Variants in FAM135B observed in about 807,000 individuals in gnomAD.
FAM135B encodes family with sequence similarity 135 member B, also known as protein FAM135B.
FAM135B carries 43 observed loss-of-function variants against 127.7 expected under a neutral mutation model. The ratio of observed to expected loss-of-function variants is 0.34; its 90% confidence interval spans 0.26 to 0.43. FAM135B has a LOEUF of 0.43. FAM135B is among the 20% of genes least tolerant of loss of function. The pLI is 1.00. For missense variants in FAM135B, 1,558 were observed against 1,725.6 expected, an observed-to-expected ratio of 0.90 and a Z score of 1.72; for synonymous variants, 670 against 665.1, an observed-to-expected ratio of 1.01 and a Z score of -0.11.
At chr8:138,254,979 C>T (rs746778907) in intron 5 of FAM135B, among the ~76,000 whole-genome samples, 1 of 150,700 alleles carries the variant, frequency 6.6e-6, no homozygotes, top group Non-Finnish European at 1.5e-5. Context: ...ATTTCAGAGA[C>T]AGGACAGTCC....
chr8:138,228,435 T>C (rs1819646935), intron 7 of FAM135B, among the ~76,000 whole-genome samples: 1 of 152,080 alleles, frequency 6.6e-6, no homozygotes, highest in Admixed American at 6.6e-5. Flanking sequence ...CCTGACACCA[T>C]ATTCAAGGTT....
chr8:138,419,197 G>A (rs2875898), intron 1 of FAM135B, among the ~76,000 whole-genome samples: 30,494 of 151,948 alleles, frequency 0.2, 4,607 homozygotes, highest in African/African-American at 0.42. Context: ...GAAAAGAGCA[G>A]AGGTTGCTAT....
chr8:138,259,683 C>T (rs541009669), intron 4 of FAM135B, among the ~76,000 whole-genome samples: 2 of 152,240 alleles, frequency 1.3e-5, no homozygotes, highest in African/African-American at 2.4e-5. Flanking sequence ...CCTGGCTCTA[C>T]GACTTCCGGG....
chr8:138,150,755 G>A (rs1187891092), intron 13 of FAM135B, among the ~76,000 whole-genome samples: 4 of 152,034 alleles, frequency 2.6e-5, no homozygotes, highest in Non-Finnish European at 5.9e-5. Flanking sequence ...ATAAGTCATG[G>A]TATATTCATG....
chr8:138,368,582 A>C (rs1433031946), intron 1 of FAM135B, among the ~76,000 whole-genome samples: 1 of 152,224 alleles, frequency 6.6e-6, no homozygotes. Context: ...TGATATTATA[A>C]ATGCAGTCTC....
At chr8:138,275,801 A>G (rs1823778288) in intron 3 of FAM135B, among the ~76,000 whole-genome samples, 1 of 152,232 alleles carries the variant, frequency 6.6e-6, no homozygotes, top group African/African-American at 2.4e-5. Context: ...TTGGCCCTAA[A>G]TGATGAGTGT....
chr8:138,162,785 A>C (rs1252313230), intron 12 of FAM135B, among the ~76,000 whole-genome samples: 1 of 152,242 alleles, frequency 6.6e-6, no homozygotes, highest in Non-Finnish European at 1.5e-5. Flanking sequence ...TCCCACGTGG[A>C]TGGAACAAGA....
At chr8:138,196,523 G>A (rs1365584454) in intron 8 of FAM135B, among the ~76,000 whole-genome samples, 2 of 152,166 alleles carry the variant, frequency 1.3e-5, no homozygotes, top group African/African-American at 4.8e-5. Context: ...TATTTGGGAA[G>A]CAAAACATGC....
At chr8:138,267,892 G>T (rs1352319569) in intron 3 of FAM135B, among the ~76,000 whole-genome samples, 2 of 152,220 alleles carry the variant, frequency 1.3e-5, no homozygotes, top group Non-Finnish European at 2.9e-5. Flanking sequence ...AAATAAAAAT[G>T]ATTCATGTGT....
intron 3 of FAM135B, among the ~76,000 whole-genome samples, chr8:138,304,657 C>A (rs1181475107): frequency 2.0e-5 from 3 of 152,226 alleles, no homozygotes; most frequent in Non-Finnish European, 2.9e-5. Flanking sequence ...AGGCACAAGA[C>A]TGCACGGAGA....
intron 3 of FAM135B, among the ~76,000 whole-genome samples, chr8:138,274,172 C>T (rs1318765682): frequency 6.6e-6 from 1 of 152,156 alleles, no homozygotes; most frequent in South Asian, 2.1e-4. Flanking sequence ...GGCACATTAT[C>T]GGGGAACCTG....
chr8:138,332,576 C>T (rs946546702), intron 2 of FAM135B, among the ~76,000 whole-genome samples: 6 of 152,058 alleles, frequency 3.9e-5, no homozygotes, highest in Non-Finnish European at 8.8e-5. Context: ...ACCCCTCCAT[C>T]TCACCTCCAT....
At chr8:138,277,627 T>C (rs149332720) in intron 3 of FAM135B, among the ~76,000 whole-genome samples, 1,650 of 152,286 alleles carry the variant, frequency 0.011, 14 homozygotes, top group Non-Finnish European at 0.018. Context: ...AGCCAGTGTA[T>C]GGTAACCACA....
intron 1 of FAM135B, among the ~76,000 whole-genome samples, chr8:138,487,471 C>G (rs904978441): frequency 1.2e-4 from 19 of 152,014 alleles, no homozygotes; most frequent in Non-Finnish European, 1.6e-4. Flanking sequence ...CTGGATTAAG[C>G]AGAACAGTGG....
intron 1 of FAM135B, among the ~76,000 whole-genome samples, chr8:138,461,514 T>C (rs1201257086): frequency 1.3e-5 from 2 of 152,198 alleles, no homozygotes; most frequent in African/African-American, 4.8e-5. Context: ...GGATTGACAT[T>C]TAACTTCTCT....
At position 138,241,650 on chromosome 8, in the gene FAM135B, T is replaced by C. The variant is rs972242452; in HGVS notation, c.669+1292A>G. 6.6e-6 allele frequency among the ~76,000 whole-genome samples: 1 copy of C among 152,128 alleles called. No individual in the cohort carries two copies. The highest frequency in any genetic ancestry group is 2.4e-5 in the African/African-American group (1 of 41,402). ...TGACTGTATAGGAGGATAGAACACCTCTTTTGCGGGGCTGACTGGGCATGG... is the reference window on the plus strand; with the variant it reads ...TGACTGTATAGGAGGATAGAACACCCCTTTTGCGGGGCTGACTGGGCATGG... On this transcript the variant is annotated intron_variant, in intron 7 of 19. Transcript: ENST00000395297. This position sits in a 1 kb window ranked among gnomAD's most constrained non-coding sequence, Gnocchi z 4.8.
intron 2 of FAM135B, among the ~76,000 whole-genome samples, chr8:138,323,771 C>T (rs935646055): frequency 1.3e-5 from 2 of 152,208 alleles, no homozygotes; most frequent in Non-Finnish European, 2.9e-5. Flanking sequence ...TTGACACAGA[C>T]AGTCTGACTT....
At chr8:138,344,701 G>A (rs1443997482) in intron 2 of FAM135B, among the ~76,000 whole-genome samples, 2 of 149,202 alleles carry the variant, frequency 1.3e-5, no homozygotes, top group Non-Finnish European at 3.0e-5. Flanking sequence ...TCAGCCTCCC[G>A]AATAGCTGGG....
intron 1 of FAM135B, among the ~76,000 whole-genome samples, chr8:138,448,732 T>C (rs1836329797): frequency 6.6e-6 from 1 of 151,536 alleles, no homozygotes; most frequent in Admixed American, 6.6e-5. Flanking sequence ...ATGAAATAGA[T>C]TTCATAATCA....
Sources: allele counts gnomAD v4.1 joint callset (sites outside exome capture counted in the v4.1 genomes callset), GRCh38; gene constraint gnomAD v4.1.1; non-coding constraint Gnocchi (gnomAD v3.1); transcripts MANE v1.5; gene names NCBI Gene and HGNC (gene_info 2026-07-23, HGNC 2026-07-21).